The following HTRA1 variants were observed in gnomAD, a reference collection of about 807,000 sequenced individuals.
The protein encoded by HTRA1 is serine protease HTRA1.
A neutral mutation model predicts 49.7 loss-of-function variants in HTRA1; 26 were observed. The observed-to-expected ratio is 0.52, with a 90% CI of 0.38 to 0.73. The LOEUF is 0.73. HTRA1 is among the 30% of genes least tolerant of loss of function. The probability of loss-of-function intolerance (pLI) is 0.00; values close to 1 mark genes in which losing one functional copy is unlikely to be tolerated. For missense variants in HTRA1, 561 were observed against 667.2 expected, an observed-to-expected ratio of 0.84 and a Z score of 1.75; for synonymous variants, 291 against 286.9, an observed-to-expected ratio of 1.01 and a Z score of -0.14.
intron 3 of HTRA1, among the ~76,000 whole-genome samples, chr10:122,501,898 G>A (rs1359905334): frequency 6.7e-6 from 1 of 149,996 alleles, no homozygotes; most frequent in Non-Finnish European, 1.5e-5. Flanking sequence ...GTGAGCCTTT[G>A]AGTTATCAGC....
chr10:122,489,539 T>G lies in HTRA1; in HGVS notation c.690T>G (p.Val230=). 1 of 1,614,158 alleles carries G rather than the reference T, an allele frequency of 6.2e-7. No homozygotes were observed. Among genetic ancestry groups the G allele is most frequent in the South Asian group, 1.1e-5 (1 of 91,082 alleles). ...HVVTNKHRVK[V]ELKNGATYEA... ...TGACCAACAAGCACCGGGTCAAAGT[T>G]GAGCTGAAGAACGGTGCCACTTACG... The change falls in exon 3 of 9, where the codon GTT becomes GTG. Residue 230 remains valine (V), a synonymous_variant. Coordinates refer to ENST00000368984, the MANE Select transcript of HTRA1 (RefSeq NM_002775.5).
At chr10:122,493,809 C>T (rs1235681829) in intron 3 of HTRA1, among the ~76,000 whole-genome samples, 1 of 151,786 alleles carries the variant, frequency 6.6e-6, no homozygotes, top group Non-Finnish European at 1.5e-5. Context: ...TGATTGGGCA[C>T]CCCTCACTCT....
rs368971093 is a variant in HTRA1 at position 122,470,161 on chromosome 10, A to G, written c.472+8037A>G. 1.8e-4 allele frequency among the ~76,000 whole-genome samples: 28 copies of G among 152,298 alleles called. No individual in the cohort carries two copies. The South Asian group carries it at 5.8e-3, about 32-fold the overall frequency. ...CTGCCTACTGATCTATCAATTCCTG[A>G]AAGAGAAGTGTTGACGTCTCCTGAG... is the stretch of plus-strand genomic sequence containing the variant. On this transcript the variant is annotated intron_variant, in intron 1 of 8. Transcript: ENST00000368984.
chr10:122,492,414 A>G (rs898504630), intron 3 of HTRA1, among the ~76,000 whole-genome samples: 11 of 151,926 alleles, frequency 7.2e-5, no homozygotes, highest in African/African-American at 2.7e-4. Context: ...GCTCACTGCA[A>G]CCTCCACCTC....
chr10:122,495,359 G>A (rs562592027), intron 3 of HTRA1, among the ~76,000 whole-genome samples: 2 of 152,262 alleles, frequency 1.3e-5, no homozygotes, highest in African/African-American at 4.8e-5. Context: ...TTGACGTTAT[G>A]AGGCTTCTAT....
chr10:122,468,035 T>C (rs970019907), intron 1 of HTRA1, among the ~76,000 whole-genome samples: 1 of 152,106 alleles, frequency 6.6e-6, no homozygotes, highest in African/African-American at 2.4e-5. Context: ...GTGCTGAGAG[T>C]TCCATTTCTA....
chr10:122,469,823 T>C (rs566135189), intron 1 of HTRA1, among the ~76,000 whole-genome samples: 1 of 152,356 alleles, frequency 6.6e-6, no homozygotes, highest in African/African-American at 2.4e-5. Context: ...TCAGATTTCT[T>C]TAAGTCAAGT....
chr10:122,485,761 C>T (rs1195486689), intron 1 of HTRA1, among the ~76,000 whole-genome samples: 4 of 152,204 alleles, frequency 2.6e-5, no homozygotes, highest in African/African-American at 9.6e-5. Context: ...TCTCCCATAC[C>T]TAATTCAGGA....
chr10:122,472,336 C>T (rs2097486484), intron 1 of HTRA1, among the ~76,000 whole-genome samples: 1 of 149,378 alleles, frequency 6.7e-6, no homozygotes, highest in African/African-American at 2.5e-5. Flanking sequence ...CATATTTCAC[C>T]ATCATCTCCC....
chr10:122,511,643 G>A (rs2097505619), intron 7 of HTRA1, among the ~76,000 whole-genome samples: 1 of 151,698 alleles, frequency 6.6e-6, no homozygotes, highest in Non-Finnish European at 1.5e-5. Context: ...TGAGGCAGGA[G>A]AATTGCTTGA....
At chr10:122,502,620 C>A (rs2097501412) in intron 3 of HTRA1, among the ~76,000 whole-genome samples, 2 of 152,226 alleles carry the variant, frequency 1.3e-5, no homozygotes, top group Admixed American at 1.3e-4. Flanking sequence ...TTGTGAGTCC[C>A]TGCAGGCTGG....
At chr10:122,470,854 G>A (rs1353878014) in intron 1 of HTRA1, among the ~76,000 whole-genome samples, 2 of 152,096 alleles carry the variant, frequency 1.3e-5, no homozygotes, top group African/African-American at 2.4e-5. Context: ...TGCCTCCTGG[G>A]TGTCAAAGCA....
intron 1 of HTRA1, among the ~76,000 whole-genome samples, chr10:122,468,585 C>T (rs998383027): frequency 2.0e-5 from 3 of 152,132 alleles, no homozygotes; most frequent in Admixed American, 6.6e-5. Context: ...GGAGCTGACT[C>T]GGAATTTGCC....
chr10:122,478,448 A>G (rs1485281020), intron 1 of HTRA1, among the ~76,000 whole-genome samples: 2 of 137,544 alleles, frequency 1.5e-5, no homozygotes, highest in Non-Finnish European at 3.0e-5. Flanking sequence ...GCTGGAGTGC[A>G]GTGGTGCGAT....
At chr10:122,475,007 A>G (rs2097487794) in intron 1 of HTRA1, among the ~76,000 whole-genome samples, 1 of 152,342 alleles carries the variant, frequency 6.6e-6, no homozygotes, top group Admixed American at 6.5e-5. Flanking sequence ...AGTAAAGCCA[A>G]AGATGCAGAT....
rs190879861 is a variant in HTRA1, at chr10:122,510,171, G to A, written c.1178+18G>A. 935 of 1,605,188 alleles carry A rather than the reference G, an allele frequency of 5.8e-4. 10 individuals are homozygous for A. The Admixed American group carries it at 0.014, about 24-fold the overall frequency. The stretch of plus-strand genomic sequence containing the variant: ...ACGTCCAGGTGGGTAAACAGGATGC[G>A]TGTCTGTGTCTTAAATTTTAATAAA... On this transcript the variant is annotated intron_variant, in intron 7 of 8. Transcript: ENST00000368984.
chr10:122,514,427 G>A lies in HTRA1; in HGVS notation c.*68G>A, dbSNP rs1030762745. The stretch of plus-strand genomic sequence containing the variant: ...CCCGTGGATGACGGATGAGGACTCT[G>A]GGCTGCTGGAATAGGACACTCAAGA... On this transcript the variant is annotated 3_prime_UTR_variant, in exon 9 of 9. Transcript: ENST00000368984. The A allele has an allele frequency of 2.6e-6, 4 of 1,512,270 alleles. No homozygotes were observed. Among genetic ancestry groups the A allele is most frequent in the East Asian group, 2.3e-5 (1 of 44,396 alleles). 93.7% of individuals were successfully genotyped at this position (1,512,270 alleles called of 1,614,324 possible).
chr10:122,493,985 T>C (rs1176972239), intron 3 of HTRA1, among the ~76,000 whole-genome samples: 1 of 152,102 alleles, frequency 6.6e-6, no homozygotes, highest in Non-Finnish European at 1.5e-5. Context: ...GCAGCCAACC[T>C]TCCTGTCCTT....
intron 3 of HTRA1, among the ~76,000 whole-genome samples, chr10:122,504,122 G>C (rs2097502053): frequency 6.6e-6 from 1 of 152,130 alleles, no homozygotes; most frequent in Admixed American, 6.5e-5. Context: ...GCCCTCCCCG[G>C]GAGCATGGGG....
Sources: allele counts gnomAD v4.1 joint callset (sites outside exome capture counted in the v4.1 genomes callset), GRCh38; gene constraint gnomAD v4.1.1; transcripts MANE v1.5; gene names NCBI Gene and HGNC (gene_info 2026-07-23, HGNC 2026-07-21).